Variants in NDST4 observed in about 807,000 individuals in gnomAD.
NDST4 encodes the protein N-heparan sulfate sulfotransferase 4.
Under a neutral mutation model 100.8 loss-of-function variants are expected in NDST4, and 63 were observed. The observed-to-expected ratio is 0.62, with a 90% CI of 0.51 to 0.77. The LOEUF is 0.77. NDST4 is among the 30% of genes least tolerant of loss of function. The pLI, the probability that NDST4 is intolerant of heterozygous loss-of-function variation, is 0.00. For synonymous variants in NDST4, 377 were observed against 361.8 expected (o/e 1.04, Z -0.48); for missense variants, 943 against 1,018.4 (o/e 0.93, Z 1.01).
At chr4:115,102,835 A>C (rs1376472816) in intron 1 of NDST4, among the ~76,000 whole-genome samples, 1 of 148,080 alleles carries the variant, frequency 6.8e-6, no homozygotes, top group East Asian at 2.0e-4. Flanking sequence ...CAGCCTCCTG[A>C]GTAGCTGGAA....
chr4:114,935,429 C>T (rs938441583), intron 5 of NDST4, 95 bp from the exon 6 acceptor site: 3 of 1,233,068 alleles, frequency 2.4e-6, no homozygotes, highest in African/African-American at 3.1e-5. Context: ...TTGTAATTTC[C>T]TATTGGATTT....
chr4:115,091,349 A>G (rs915784288), intron 1 of NDST4, among the ~76,000 whole-genome samples: 1 of 152,104 alleles, frequency 6.6e-6, no homozygotes, highest in Non-Finnish European at 1.5e-5. Flanking sequence ...TGCTCAAAGG[A>G]TTAATCATTT....
At chr4:115,049,348 A>G (rs1397685739) in intron 2 of NDST4, among the ~76,000 whole-genome samples, 1 of 152,046 alleles carries the variant, frequency 6.6e-6, no homozygotes, top group Non-Finnish European at 1.5e-5. Flanking sequence ...GGTAATGTAT[A>G]GAAGAAGTAC....
intron 6 of NDST4, among the ~76,000 whole-genome samples, chr4:114,912,337 C>T (rs1015006031): frequency 4.6e-5 from 7 of 152,148 alleles, no homozygotes; most frequent in East Asian, 1.9e-4. Context: ...CCTAAGAACA[C>T]GGCTCTCTTC....
chr4:114,848,142 A>G (rs911666523), intron 9 of NDST4, 73 bp downstream of exon 9: 17 of 1,270,906 alleles, frequency 1.3e-5, no homozygotes, highest in Middle Eastern at 2.3e-4. Flanking sequence ...GATGCCACAC[A>G]TACATCTGTA....
At chr4:114,894,840 C>G (rs1316505066) in intron 6 of NDST4, among the ~76,000 whole-genome samples, 2 of 152,116 alleles carry the variant, frequency 1.3e-5, no homozygotes, top group Admixed American at 1.3e-4. Context: ...GGAATGCGTT[C>G]ACCTTTTACC....
At chr4:115,095,924 C>A (rs1209307541) in intron 1 of NDST4, among the ~76,000 whole-genome samples, 1 of 151,912 alleles carries the variant, frequency 6.6e-6, no homozygotes, top group Non-Finnish European at 1.5e-5. Flanking sequence ...TTCTTTTGCT[C>A]ACTTCACCTG....
At chr4:114,876,310 T>C (rs1724252987) in intron 6 of NDST4, among the ~76,000 whole-genome samples, 1 of 152,220 alleles carries the variant, frequency 6.6e-6, no homozygotes, top group Admixed American at 6.5e-5. Flanking sequence ...CTTGTTAAAT[T>C]ATTGATTATG....
At chr4:114,877,931 A>G (rs796614384) in intron 6 of NDST4, among the ~76,000 whole-genome samples, 6 of 152,202 alleles carry the variant, frequency 3.9e-5, no homozygotes, top group African/African-American at 1.4e-4. Flanking sequence ...CAGCCAAAAA[A>G]TGAGAAGTAA....
intron 2 of NDST4, among the ~76,000 whole-genome samples, chr4:115,043,973 GT>G (rs955751416): frequency 6.6e-6 from 1 of 151,998 alleles, no homozygotes; most frequent in East Asian, 1.9e-4. Flanking sequence ...ATAAACATGC[GT>G]TTTAGATGCT....
chr4:115,027,270 C>T (rs1728006690), intron 2 of NDST4, among the ~76,000 whole-genome samples: 1 of 152,162 alleles, frequency 6.6e-6, no homozygotes, highest in African/African-American at 2.4e-5. Flanking sequence ...TTGAACAGGA[C>T]TTCATACCGT....
chr4:114,999,907 C>A (rs546354868), intron 2 of NDST4, among the ~76,000 whole-genome samples: 6 of 151,928 alleles, frequency 3.9e-5, no homozygotes, highest in Admixed American at 6.6e-5. Context: ...CAGTGAAGGA[C>A]CTATACTTAT....
intron 4 of NDST4, among the ~76,000 whole-genome samples, chr4:114,957,518 C>T (rs1344171715): frequency 6.6e-6 from 1 of 152,156 alleles, no homozygotes; most frequent in African/African-American, 2.4e-5. Context: ...GGTGACACAG[C>T]CAAACCAAAT....
At chr4:115,068,815 CAA>C (rs34003720) in intron 2 of NDST4, among the ~76,000 whole-genome samples, 46 of 77,582 alleles carry the variant, frequency 5.9e-4, no homozygotes, top group East Asian at 1.5e-3. Context: ...GGCTCCATCT[CAA>C]AAAAAAAAAA....
intron 2 of NDST4, among the ~76,000 whole-genome samples, chr4:115,074,988 T>C (rs1729149769): frequency 6.6e-6 from 1 of 152,140 alleles, no homozygotes; most frequent in Non-Finnish European, 1.5e-5. Context: ...ATCAAGATTG[T>C]TTAAAAGATG....
intron 10 of NDST4, among the ~76,000 whole-genome samples, chr4:114,840,180 G>A (rs377421474): frequency 6.6e-6 from 1 of 151,982 alleles, no homozygotes; most frequent in African/African-American, 2.4e-5. Flanking sequence ...TGTTTGAAAG[G>A]GTTTCTATCT....
intron 2 of NDST4, among the ~76,000 whole-genome samples, chr4:115,032,879 C>T (rs1183347910): frequency 6.6e-6 from 1 of 151,906 alleles, no homozygotes; most frequent in Non-Finnish European, 1.5e-5. Flanking sequence ...CACCAACTTT[C>T]ATAACTTGTT....
chr4:114,906,376 A>AT (rs150991030), intron 6 of NDST4, among the ~76,000 whole-genome samples: 3,342 of 150,812 alleles, frequency 0.022, 100 homozygotes, highest in African/African-American at 0.071. Flanking sequence ...CTCTAGCGGC[A>AT]TTTTTTTTTG....
rs550303125 is a variant in NDST4, at chr4:114,988,053, C to T, written c.979-10779G>A. 2.2e-4 allele frequency among the ~76,000 whole-genome samples: 34 copies of T among 152,096 alleles called. No homozygotes were observed. In the South Asian group the frequency reaches 6.8e-3, roughly 31 times the overall value. On this transcript the variant is annotated intron_variant, in intron 2 of 13. Transcript: ENST00000264363. ...TACAAAGGAGTGTTTTTCCATTATT[C>T]CAGGATTTGCTATTGTTAAGGAGCT...
Sources: gnomAD v4.1 joint callset for allele counts (sites outside exome capture counted in the v4.1 genomes callset) on GRCh38, gnomAD v4.1.1 for gene constraint, MANE v1.5 for transcripts, NCBI Gene and HGNC (gene_info 2026-07-23, HGNC 2026-07-21) for gene names.